BMPR2: variants seen among roughly 807,000 people sequenced by gnomAD.
BMPR2 encodes bone morphogenetic protein receptor type-2.
BMPR2 carries 29 observed loss-of-function variants against 100.8 expected under a neutral mutation model. The observed-to-expected ratio is 0.29, with a 90% CI of 0.21 to 0.39. The LOEUF (loss-of-function observed/expected upper bound fraction) is 0.39, where lower values mean the gene tolerates loss of function less well. Among genes scored for constraint, BMPR2 ranks in the 10% least tolerant of loss-of-function variants. The pLI is 1.00. For missense variants in BMPR2, 1,011 were observed against 1,274.5 expected (o/e 0.79, Z 3.15); for synonymous variants, 382 against 442.3 (o/e 0.86, Z 1.71).
chr2:202,455,478 G>A (rs1349439135), intron 1 of BMPR2, among the ~76,000 whole-genome samples: 2 of 152,192 alleles, frequency 1.3e-5, no homozygotes, highest in Admixed American at 1.3e-4. Context: ...AATTATATTG[G>A]ATGGTGCTGA....
Position 202,567,293 on chromosome 2 carries a change from C to T in BMPR2, c.*7347C>T, listed in dbSNP as rs1326402785. 2 of 152,676 alleles carry T rather than the reference C, an allele frequency of 1.3e-5. No homozygotes were observed. The highest frequency in any genetic ancestry group is 2.1e-4 in the South Asian group (1 of 4,828). The allele number at this position is 152,676 out of a possible 1,614,324, so 9.5% of individuals were successfully genotyped here. A position where few individuals can be genotyped will look rare whatever the true frequency, so the allele number is the denominator to read the frequency against. On this transcript the variant is annotated 3_prime_UTR_variant, in exon 13 of 13. Coordinates refer to ENST00000374580, the MANE Select transcript of BMPR2 (RefSeq NM_001204.7). ...GTATTCACTTCTGAGGATGCTTTTC[C>T]GGAAAAAGAAAGGCTAGAAAATACT...
intron 3 of BMPR2, among the ~76,000 whole-genome samples, chr2:202,485,545 C>CT (rs762096820): frequency 0.041 from 2,604 of 63,948 alleles, 492 homozygotes; most frequent in African/African-American, 0.14. Context: ...TTGCCTTTAT[C>CT]TTTTTTTTTT....
chr2:202,533,980 T>C (rs530642606), intron 9 of BMPR2, among the ~76,000 whole-genome samples: 1 of 152,292 alleles, frequency 6.6e-6, no homozygotes, highest in East Asian at 1.9e-4. Context: ...TTCTAGGTGC[T>C]ATACAGATGA....
In BMPR2 at chr2:202,503,161, A is replaced by G. The variant is rs913965735; in HGVS notation, c.419-10558A>G. 4.0e-4 allele frequency among the ~76,000 whole-genome samples: 61 copies of G among 152,200 alleles called. No homozygotes were observed. Among genetic ancestry groups the G allele is most frequent in the African/African-American group, 1.4e-3 (56 of 41,466 alleles). On this transcript the variant is annotated intron_variant, in intron 3 of 12. Transcript: ENST00000374580. The surrounding 1 kb of genome is among the most constrained non-coding windows in gnomAD (Gnocchi z 4.0). ...GAAATAGCTAGAGCGGTCATTGGCCAAATTCCCAACAGCATTTGGGGTGTC... is the reference window on the plus strand; with the variant it reads ...GAAATAGCTAGAGCGGTCATTGGCCGAATTCCCAACAGCATTTGGGGTGTC...
chr2:202,526,966 C>T (rs1242662026), intron 7 of BMPR2, among the ~76,000 whole-genome samples: 2 of 152,002 alleles, frequency 1.3e-5, no homozygotes, highest in Non-Finnish European at 2.9e-5. Flanking sequence ...TGGATTCAAG[C>T]GATTCTCCTG....
intron 1 of BMPR2, among the ~76,000 whole-genome samples, chr2:202,448,378 C>T (rs1217132473): frequency 1.3e-5 from 2 of 148,384 alleles, no homozygotes; most frequent in Non-Finnish European, 3.0e-5. Context: ...ACCCGGGAGG[C>T]GGAGCTTGCA....
In BMPR2 at chr2:202,506,481, T is replaced by A. The variant is rs78668438; in HGVS notation, c.419-7238T>A. Among the ~76,000 whole-genome samples, 303 of 152,252 alleles carry A rather than the reference T, an allele frequency of 2.0e-3. 1 individual carries two copies. Among genetic ancestry groups the A allele is most frequent in the African/African-American group, 6.6e-3 (276 of 41,550 alleles). On this transcript the variant is annotated intron_variant, in intron 3 of 12. Coordinates refer to ENST00000374580, the MANE Select transcript of BMPR2 (RefSeq NM_001204.7). ...TTTTGTTTTGTTTTGTTTTGTTTTT[T>A]TATAAGGGCCCAAACCCATTCATGA...
intron 10 of BMPR2, among the ~76,000 whole-genome samples, chr2:202,551,756 G>T (rs191673510): frequency 1.3e-5 from 2 of 152,196 alleles, no homozygotes; most frequent in African/African-American, 4.8e-5. Context: ...GAGGAGTGCA[G>T]TGGCACGATC....
Position 202,555,689 on chromosome 2 carries a change from A to G in BMPR2, c.2024A>G (p.Lys675Arg). 1.2e-6 allele frequency: 2 copies of G among 1,614,130 alleles called. No homozygotes were observed. The highest frequency in any genetic ancestry group is 1.7e-6 in the Non-Finnish European group (2 of 1,180,038). Reference protein sequence around the residue: ...TNKLDPKEVDKNLKESSDENL... With the variant: ...TNKLDPKEVDRNLKESSDENL... The stretch of plus-strand genomic sequence containing the variant: ...AAGCTAGACCCAAAAGAAGTTGATA[A>G]GAACCTCAAGGAAAGCTCTGATGAG... The change falls in exon 12 of 13, where the codon AAG becomes AGG. Residue 675 changes from lysine (K) to arginine (R), a missense_variant. Around this residue, in one of 6 missense-constraint regions of BMPR2, gnomAD observed 508 missense variants for 552.0 expected, o/e 0.92. Transcript: ENST00000374580.
chr2:202,560,052 C>T lies in BMPR2; in HGVS notation c.*106C>T, dbSNP rs45502895. 8.2e-3 allele frequency: 11,291 copies of T among 1,371,068 alleles called. 72 individuals carry two copies. The highest frequency in any genetic ancestry group is 0.014 in the South Asian group (1,119 of 77,620). The allele number at this position is 1,371,068 out of a possible 1,614,324, so 84.9% of individuals were successfully genotyped here. On this transcript the variant is annotated 3_prime_UTR_variant, in exon 13 of 13. Coordinates refer to ENST00000374580, the MANE Select transcript of BMPR2 (RefSeq NM_001204.7). Reference sequence around the variant, plus strand: ...TGCTTTATCCTCCTGTCAGCACCCCCTCCCACCCCTGCAACAAAGACTTGC... The same window carrying T: ...TGCTTTATCCTCCTGTCAGCACCCCTTCCCACCCCTGCAACAAAGACTTGC...
chr2:202,405,708 AAAAG>A lies in BMPR2; in HGVS notation c.76+28159_76+28162del, dbSNP rs1294814211. On this transcript the variant is annotated intron_variant, in intron 1 of 12. Coordinates refer to ENST00000374580, the MANE Select transcript of BMPR2 (RefSeq NM_001204.7). ...GCCTCAAAAAAAAAAAAAAAAAAAA[AAAAG>A]CAGGGAAAATGTGCTGCTAAAGGTA... Among the ~76,000 whole-genome samples, 5 of 151,614 alleles carry A rather than the reference AAAAG, an allele frequency of 3.3e-5. No homozygotes were observed. The South Asian group carries it at 6.3e-4, about 19-fold the overall frequency.
chr2:202,505,990 G>A (rs1687512605), intron 3 of BMPR2, among the ~76,000 whole-genome samples: 1 of 152,144 alleles, frequency 6.6e-6, no homozygotes. Flanking sequence ...TCAAAGTAGT[G>A]TGGACTGGGT....
rs550678028 is a variant in BMPR2 at position 202,455,326 on chromosome 2, T to C, written c.77-9483T>C. On this transcript the variant is annotated intron_variant, in intron 1 of 12. Coordinates refer to ENST00000374580, the MANE Select transcript of BMPR2 (RefSeq NM_001204.7). ...ACTTTGGGAGGCCAAGTTAGGAGGA[T>C]TGGTTGAGCCCAGGAAATTGAGACC... 2.6e-5 allele frequency among the ~76,000 whole-genome samples: 4 copies of C among 152,204 alleles called. No homozygotes were observed. The East Asian group carries it at 7.7e-4, about 29-fold the overall frequency.
chr2:202,566,324 G>A lies in BMPR2; in HGVS notation c.*6378G>A, dbSNP rs1349899914. The A allele has an allele frequency of 1.3e-5, 2 of 152,614 alleles. No homozygotes were observed. Among genetic ancestry groups the A allele is most frequent in the African/African-American group, 4.8e-5 (2 of 41,464 alleles). 9.5% of individuals were successfully genotyped at this position (152,614 alleles called of 1,614,324 possible). ...ACTGAAAAAGTTCAATTGTTAGCAAGTAAGCAATTAGATCCAGTTGAATAT... is the reference window on the plus strand; with the variant it reads ...ACTGAAAAAGTTCAATTGTTAGCAAATAAGCAATTAGATCCAGTTGAATAT... On this transcript the variant is annotated 3_prime_UTR_variant, in exon 13 of 13. Transcript: ENST00000374580.
chr2:202,455,504 A>C (rs1003561804), intron 1 of BMPR2, among the ~76,000 whole-genome samples: 1 of 152,230 alleles, frequency 6.6e-6, no homozygotes, highest in African/African-American at 2.4e-5. Context: ...AGTATATGGA[A>C]GTCTGTCATG....
chr2:202,381,920 TC>T (rs1690303543), intron 1 of BMPR2, among the ~76,000 whole-genome samples: 2 of 151,974 alleles, frequency 1.3e-5, no homozygotes, highest in Non-Finnish European at 2.9e-5. Flanking sequence ...AATATTGATC[TC>T]TAATGGGTAA....
chr2:202,520,325 G>C (rs953325232), intron 7 of BMPR2, 124 bp downstream of exon 7: 2 of 757,836 alleles, frequency 2.6e-6, no homozygotes, highest in African/African-American at 3.5e-5. Flanking sequence ...TTAGTCAGTT[G>C]TTTGAAAGAT....
chr2:202,557,156 C>T (rs1473809487), intron 12 of BMPR2, among the ~76,000 whole-genome samples: 1 of 151,856 alleles, frequency 6.6e-6, no homozygotes, highest in Non-Finnish European at 1.5e-5. Context: ...CATGGTGAAA[C>T]CCCGTCTCTA....
chr2:202,460,618 C>T (rs1430166558), intron 1 of BMPR2, among the ~76,000 whole-genome samples: 1 of 152,018 alleles, frequency 6.6e-6, no homozygotes. Flanking sequence ...CCTTGAGAAA[C>T]TCTCACAGAA....
Sources: gnomAD v4.1 joint callset for allele counts (sites outside exome capture counted in the v4.1 genomes callset) on GRCh38, gnomAD v4.1.1 for gene constraint, gnomAD v4.1.1 regional missense constraint, Gnocchi (gnomAD v3.1) non-coding constraint, MANE v1.5 for transcripts, NCBI Gene and HGNC (gene_info 2026-07-23, HGNC 2026-07-21) for gene names.